USP34: variants seen among roughly 807,000 people sequenced by gnomAD.
USP34 encodes ubiquitin carboxyl-terminal hydrolase 34.
A neutral mutation model predicts 460.3 loss-of-function variants in USP34; 70 were observed. That is an observed-to-expected ratio of 0.15 (90% CI 0.13 to 0.19). The LOEUF (loss-of-function observed/expected upper bound fraction) is 0.19, where lower values mean the gene tolerates loss of function less well. USP34 is among the 10% of genes least tolerant of loss of function. The probability of loss-of-function intolerance (pLI) is 1.00; values close to 1 mark genes in which losing one functional copy is unlikely to be tolerated. For missense variants in USP34, 3,985 were observed against 4,236.2 expected (o/e 0.94, Z 1.65); for synonymous variants, 1,647 against 1,405.3 (o/e 1.17, Z -3.85).
chr2:61,442,406 C>A (rs867664654), intron 1 of USP34, among the ~76,000 whole-genome samples: 68 of 121,324 alleles, frequency 5.6e-4, no homozygotes, highest in African/African-American at 8.6e-4. Context: ...ATCTTAACAG[C>A]AAAAAAAAAA....
intron 1 of USP34, among the ~76,000 whole-genome samples, chr2:61,450,458 C>T (rs988554242): frequency 1.3e-5 from 2 of 151,956 alleles, no homozygotes; most frequent in African/African-American, 4.8e-5. Flanking sequence ...AGTGGCAAAA[C>T]CCCAATTATT....
chr2:61,349,467 G>C (rs1421114542), intron 12 of USP34, among the ~76,000 whole-genome samples, 182 bp from the exon 13 acceptor site: 1 of 152,024 alleles, frequency 6.6e-6, no homozygotes, highest in Non-Finnish European at 1.5e-5. Flanking sequence ...CCTAAGAGAG[G>C]GGTAGTATAT....
Position 61,301,318 on chromosome 2 carries a change from G to A in USP34, c.3918+36C>T, listed in dbSNP as rs1012849835. On this transcript the variant is annotated intron_variant, in intron 28 of 79. Coordinates refer to ENST00000398571, the MANE Select transcript of USP34 (RefSeq NM_014709.4). ...ACTATTCAACTGATGATTATAAACA[G>A]ATCATTAAAACTCAAACCACGTTTT... 6 of 1,597,592 alleles carry A rather than the reference G, an allele frequency of 3.8e-6. 1 individual carries two copies. The Middle Eastern group carries it at 5.0e-4, about 133-fold the overall frequency.
intron 75 of USP34, among the ~76,000 whole-genome samples, chr2:61,195,475 C>T (rs1686772948): frequency 6.6e-6 from 1 of 151,648 alleles, no homozygotes; most frequent in African/African-American, 2.4e-5. Context: ...AGTTCGAGAC[C>T]AGCCTGACCA....
intron 69 of USP34, 47 bp from the exon 70 acceptor site, chr2:61,209,024 C>A: frequency 8.1e-7 from 1 of 1,228,174 alleles, no homozygotes; most frequent in Non-Finnish European, 1.1e-6. Context: ...AATAAGAACA[C>A]AACACTTAGG....
chr2:61,401,149 CAAA>C (rs60805364), intron 3 of USP34, among the ~76,000 whole-genome samples: 3 of 104,836 alleles, frequency 2.9e-5, no homozygotes, highest in African/African-American at 3.7e-5. Flanking sequence ...GACTCTGTCT[CAAA>C]AAAAAAAAAA....
intron 19 of USP34, among the ~76,000 whole-genome samples, chr2:61,332,728 T>TC (rs530697734): frequency 1.8e-4 from 27 of 151,990 alleles, no homozygotes; most frequent in Admixed American, 1.6e-3. Context: ...CCCTTACCCC[T>TC]CCTTTTGGAA....
chr2:61,453,856 G>A (rs1400348076), intron 1 of USP34, among the ~76,000 whole-genome samples: 1 of 151,540 alleles, frequency 6.6e-6, no homozygotes, highest in African/African-American at 2.4e-5. Context: ...TTAAATATGT[G>A]TCACATTCAA....
intron 8 of USP34, among the ~76,000 whole-genome samples, chr2:61,377,623 T>A (rs535025986): frequency 6.6e-6 from 1 of 152,018 alleles, no homozygotes; most frequent in South Asian, 2.1e-4. Context: ...CCATCTACAG[T>A]CCAGAAGAAG....
intron 10 of USP34, among the ~76,000 whole-genome samples, chr2:61,367,419 G>C (rs538253079): frequency 2.0e-5 from 3 of 152,214 alleles, no homozygotes; most frequent in Non-Finnish European, 4.4e-5. Context: ...GTTCAAGGCT[G>C]CAATGAGCTA....
At chr2:61,351,986 T>C (rs11895597) in intron 10 of USP34, among the ~76,000 whole-genome samples, 6 of 152,228 alleles carry the variant, frequency 3.9e-5, no homozygotes, top group African/African-American at 1.2e-4. Context: ...GATTAAAATA[T>C]GCAAGTTAAG....
chr2:61,196,963 A>G (rs775076624), intron 75 of USP34, among the ~76,000 whole-genome samples: 2 of 152,208 alleles, frequency 1.3e-5, no homozygotes, highest in Non-Finnish European at 2.9e-5. Flanking sequence ...TGTTATAAGT[A>G]TCTCTATTTT....
At chr2:61,209,331 C>A (rs928694754) in intron 69 of USP34, among the ~76,000 whole-genome samples, 5 of 152,242 alleles carry the variant, frequency 3.3e-5, no homozygotes, top group Middle Eastern at 3.4e-3. Flanking sequence ...TCTAAACACT[C>A]ATCAGCTGGT....
At chr2:61,419,095 G>C (rs1320234998) in intron 2 of USP34, among the ~76,000 whole-genome samples, 1 of 152,166 alleles carries the variant, frequency 6.6e-6, no homozygotes, top group African/African-American at 2.4e-5. Flanking sequence ...ATGAGGAAAT[G>C]AGAGTTTACA....
intron 33 of USP34, among the ~76,000 whole-genome samples, chr2:61,291,101 A>T (rs1456397273): frequency 6.6e-6 from 1 of 152,160 alleles, no homozygotes; most frequent in Non-Finnish European, 1.5e-5. Flanking sequence ...AAGGAATTCT[A>T]ACAAATCAAC....
chr2:61,276,484 T>C (rs1026440624), intron 41 of USP34, among the ~76,000 whole-genome samples: 3 of 152,184 alleles, frequency 2.0e-5, no homozygotes, highest in Admixed American at 6.5e-5. Context: ...ATGAATTTTA[T>C]ACATGCGTAT....
chr2:61,365,974 C>G (rs1432350746), intron 10 of USP34, among the ~76,000 whole-genome samples: 1 of 74,386 alleles, frequency 1.3e-5, no homozygotes, highest in South Asian at 8.2e-4. Context: ...TTATTTGAGA[C>G]ACAGTCTCAC....
intron 5 of USP34, among the ~76,000 whole-genome samples, chr2:61,385,133 T>A (rs1366402236): frequency 6.6e-6 from 1 of 152,046 alleles, no homozygotes; most frequent in African/African-American, 2.4e-5. Context: ...TCAAAACGAT[T>A]CCCTTAAGAA....
intron 10 of USP34, among the ~76,000 whole-genome samples, chr2:61,364,907 G>A (rs1045860646): frequency 6.6e-6 from 1 of 151,880 alleles, no homozygotes; most frequent in African/African-American, 2.4e-5. Flanking sequence ...TCCAGCCTGG[G>A]CAACAGAGCA....
Sources: allele counts gnomAD v4.1 joint callset (sites outside exome capture counted in the v4.1 genomes callset), GRCh38; gene constraint gnomAD v4.1.1; transcripts MANE v1.5; gene names NCBI Gene and HGNC (gene_info 2026-07-23, HGNC 2026-07-21).